Variants in TMEM232 observed in about 807,000 individuals in gnomAD.
TMEM232 encodes transmembrane protein 232.
TMEM232 carries 80 observed loss-of-function variants against 78.8 expected under a neutral mutation model. That is an observed-to-expected ratio of 1.01 (90% CI 0.85 to 1.22). The LOEUF (loss-of-function observed/expected upper bound fraction) is 1.22. Among genes scored for constraint, TMEM232 ranks in the 50% most tolerant of loss-of-function variants. TMEM232 has a pLI of 0.00. For synonymous variants in TMEM232, 297 were observed against 254.3 expected, an observed-to-expected ratio of 1.17 and a Z score of -1.60; for missense variants, 881 against 742.2, an observed-to-expected ratio of 1.19 and a Z score of -2.17.
intron 8 of TMEM232, among the ~76,000 whole-genome samples, chr5:110,610,036 A>G (rs538490638): frequency 3.3e-5 from 5 of 152,168 alleles, no homozygotes; most frequent in African/African-American, 1.2e-4. Context: ...GATGAAAGGT[A>G]GTAGAGTAAG....
chr5:110,613,948 C>A (rs1156593058), intron 8 of TMEM232, among the ~76,000 whole-genome samples: 1 of 151,730 alleles, frequency 6.6e-6, no homozygotes, highest in East Asian at 1.9e-4. Flanking sequence ...AATTGCTAAC[C>A]TAAAAACACA....
intron 12 of TMEM232, among the ~76,000 whole-genome samples, chr5:110,519,137 T>C (rs1377424619): frequency 6.6e-6 from 1 of 152,080 alleles, no homozygotes; most frequent in East Asian, 1.9e-4. Context: ...AAATAAATAA[T>C]ATTCAAAGAA....
At chr5:110,425,257 A>AT (rs1276667953) in intron 12 of TMEM232, among the ~76,000 whole-genome samples, 1 of 152,150 alleles carries the variant, frequency 6.6e-6, no homozygotes, top group East Asian at 1.9e-4. Flanking sequence ...ATACATTTCC[A>AT]AAGTCTTTGT....
At chr5:110,731,648 C>T (rs1298804514), upstream of TMEM232, among the ~76,000 whole-genome samples, 1 of 152,220 alleles carries the variant, frequency 6.6e-6, no homozygotes, top group Non-Finnish European at 1.5e-5. Flanking sequence ...TCAGCCATGG[C>T]CGGAGCAGCT....
chr5:110,618,417 G>T lies in TMEM232; in HGVS notation c.902+12C>A, dbSNP rs763620063. 2 of 1,548,784 alleles carry T rather than the reference G, an allele frequency of 1.3e-6. No individual in the cohort carries two copies. The highest frequency in any genetic ancestry group is 1.2e-5 in the South Asian group (1 of 83,254). ...TCCATGAGTTACTTTGGATTTATAGGATCACTCTTACCAGCATTTCTTTTG... is the reference window on the plus strand; with the variant it reads ...TCCATGAGTTACTTTGGATTTATAGTATCACTCTTACCAGCATTTCTTTTG... On this transcript the variant is annotated intron_variant, in intron 8 of 13. Coordinates refer to ENST00000455884, the MANE Select transcript of TMEM232 (RefSeq NM_001039763.4).
chr5:110,540,605 G>A (rs1772983214), intron 11 of TMEM232, among the ~76,000 whole-genome samples: 1 of 152,156 alleles, frequency 6.6e-6, no homozygotes, highest in Non-Finnish European at 1.5e-5. Flanking sequence ...AGGATAACTG[G>A]TTTACAGACG....
chr5:110,607,245 A>G (rs956685150), intron 8 of TMEM232, among the ~76,000 whole-genome samples: 3 of 151,948 alleles, frequency 2.0e-5, no homozygotes, highest in South Asian at 2.1e-4. Flanking sequence ...ACCTTTTTTC[A>G]TACTAGAAAA....
chr5:110,617,004 G>C (rs1321861079), intron 8 of TMEM232, among the ~76,000 whole-genome samples: 1 of 152,150 alleles, frequency 6.6e-6, no homozygotes, highest in African/African-American at 2.4e-5. Context: ...ATTCACAATA[G>C]CCAAGATGTG....
chr5:110,467,782 A>T (rs1762237030), intron 12 of TMEM232, among the ~76,000 whole-genome samples: 1 of 152,226 alleles, frequency 6.6e-6, no homozygotes, highest in Non-Finnish European at 1.5e-5. Flanking sequence ...TGGAAGCTAG[A>T]ATTCCATGAT....
intron 11 of TMEM232, among the ~76,000 whole-genome samples, chr5:110,547,469 T>G (rs907562024): frequency 2.6e-5 from 4 of 152,160 alleles, no homozygotes; most frequent in African/African-American, 9.7e-5. Flanking sequence ...TTGAGGAAGT[T>G]AGTTTAGACA....
chr5:110,484,557 A>C (rs1166376806), intron 12 of TMEM232, among the ~76,000 whole-genome samples: 2 of 152,084 alleles, frequency 1.3e-5, no homozygotes, highest in Non-Finnish European at 1.5e-5. Flanking sequence ...AAATATTCCC[A>C]ATACATGCTA....
chr5:110,453,895 T>G (rs1169518826), intron 12 of TMEM232, among the ~76,000 whole-genome samples: 1 of 149,708 alleles, frequency 6.7e-6, no homozygotes, highest in South Asian at 2.1e-4. Flanking sequence ...ACAAGGAATA[T>G]TACCAGGGCT....
chr5:110,591,864 T>C (rs1249270692), intron 10 of TMEM232, among the ~76,000 whole-genome samples: 2 of 152,144 alleles, frequency 1.3e-5, no homozygotes, highest in African/African-American at 4.8e-5. Flanking sequence ...AGCTCCAGAT[T>C]ATTTATATCA....
At chr5:110,467,648 C>A (rs1346503697) in intron 12 of TMEM232, among the ~76,000 whole-genome samples, 1 of 152,164 alleles carries the variant, frequency 6.6e-6, no homozygotes, top group Non-Finnish European at 1.5e-5. Context: ...CATATTAAGA[C>A]TACTGAAAGT....
chr5:110,422,403 C>G (rs1053631917), intron 13 of TMEM232, among the ~76,000 whole-genome samples: 1 of 150,992 alleles, frequency 6.6e-6, no homozygotes, highest in African/African-American at 2.4e-5. Flanking sequence ...GCCTGTAGGC[C>G]CAGCTACTCG....
At chr5:110,674,577 T>C (rs1791784112) in intron 1 of TMEM232, among the ~76,000 whole-genome samples, 1 of 152,178 alleles carries the variant, frequency 6.6e-6, no homozygotes, top group South Asian at 2.1e-4. Flanking sequence ...AAGTTCAAAC[T>C]AAAAAATGTT....
intron 2 of TMEM232, among the ~76,000 whole-genome samples, chr5:110,408,081 G>A (rs757947162): frequency 6.6e-6 from 1 of 151,738 alleles, no homozygotes; most frequent in Non-Finnish European, 1.5e-5. Flanking sequence ...CAAAATCTAT[G>A]GGATACAACA....
At chr5:110,510,665 A>AT (rs1373551327) in intron 12 of TMEM232, among the ~76,000 whole-genome samples, 4 of 152,210 alleles carry the variant, frequency 2.6e-5, no homozygotes, top group Non-Finnish European at 5.9e-5. Context: ...AAAAGAAGAC[A>AT]TTTATGTGGC....
intron 5 of TMEM232, among the ~76,000 whole-genome samples, chr5:110,634,628 T>TA (rs532566101): frequency 1.6e-4 from 23 of 147,924 alleles, no homozygotes; most frequent in East Asian, 5.9e-4. Context: ...AAATGGAAAT[T>TA]AAAAAAAAAA....
Sources: allele counts gnomAD v4.1 joint callset (sites outside exome capture counted in the v4.1 genomes callset), GRCh38; gene constraint gnomAD v4.1.1; transcripts MANE v1.5; gene names NCBI Gene and HGNC (gene_info 2026-07-23, HGNC 2026-07-21).